The following LRRC4C variants were observed in gnomAD, a reference collection of about 807,000 sequenced individuals.
LRRC4C encodes the protein leucine-rich repeat-containing protein 4C.
A neutral mutation model predicts 33.6 loss-of-function variants in LRRC4C; 5 were observed. That is an observed-to-expected ratio of 0.15 (90% CI 0.08 to 0.31). The LOEUF (loss-of-function observed/expected upper bound fraction) is 0.31. Among genes scored for constraint, LRRC4C ranks in the 10% least tolerant of loss-of-function variants. The pLI is 1.00. For missense variants in LRRC4C, 560 were observed against 796.7 expected, an observed-to-expected ratio of 0.70 and a Z score of 3.58; for synonymous variants, 329 against 302.0, an observed-to-expected ratio of 1.09 and a Z score of -0.93.
chr11:40,354,312 C>T (rs1359831836), intron 3 of LRRC4C, among the ~76,000 whole-genome samples: 2 of 152,130 alleles, frequency 1.3e-5, no homozygotes, highest in Non-Finnish European at 2.9e-5. Flanking sequence ...GGGTTTCACC[C>T]AAAACCTCTG....
intron 1 of LRRC4C, among the ~76,000 whole-genome samples, chr11:41,391,427 A>G (rs1415040834): frequency 6.6e-6 from 1 of 151,942 alleles, no homozygotes; most frequent in Non-Finnish European, 1.5e-5. Flanking sequence ...ACATGAGGAC[A>G]AAAGTTAATA....
At chr11:41,219,965 A>G (rs748573439) in intron 1 of LRRC4C, among the ~76,000 whole-genome samples, 4 of 152,226 alleles carry the variant, frequency 2.6e-5, no homozygotes, top group Admixed American at 6.5e-5. Context: ...AACAGGCATC[A>G]TAGGGACCTA....
At chr11:41,373,901 T>A (rs1157154572) in intron 1 of LRRC4C, among the ~76,000 whole-genome samples, 1 of 152,196 alleles carries the variant, frequency 6.6e-6, no homozygotes, top group Non-Finnish European at 1.5e-5. Context: ...TGCTTTTGAA[T>A]GTTGGATAAT....
chr11:40,971,318 A>G (rs1073755), intron 1 of LRRC4C, among the ~76,000 whole-genome samples: 65,692 of 152,060 alleles, frequency 0.43, 15,622 homozygotes, highest in East Asian at 0.53. Context: ...TGGTCCCTGC[A>G]TTCTAGCCAC....
At chr11:40,199,792 GC>G (rs1360071105) in intron 5 of LRRC4C, among the ~76,000 whole-genome samples, 6 of 152,008 alleles carry the variant, frequency 3.9e-5, no homozygotes, top group Non-Finnish European at 7.4e-5. Context: ...GAAAGCACAG[GC>G]TATTACAGAA....
chr11:41,139,926 A>C (rs1477410004), intron 1 of LRRC4C, among the ~76,000 whole-genome samples: 1 of 152,044 alleles, frequency 6.6e-6, no homozygotes, highest in Non-Finnish European at 1.5e-5. Context: ...CTAAGAAAAC[A>C]CTTTCTGACC....
chr11:40,665,932 C>T (rs1231968348), intron 2 of LRRC4C, among the ~76,000 whole-genome samples: 2 of 151,810 alleles, frequency 1.3e-5, no homozygotes, highest in East Asian at 3.9e-4. Flanking sequence ...TATACAAATA[C>T]ATAAGTGTTA....
chr11:40,812,962 A>C (rs910766358), intron 2 of LRRC4C, among the ~76,000 whole-genome samples: 1 of 152,176 alleles, frequency 6.6e-6, no homozygotes, highest in Non-Finnish European at 1.5e-5. Flanking sequence ...ATACATGATG[A>C]TATACAGTGC....
chr11:41,182,009 A>G (rs1474245736), intron 1 of LRRC4C, among the ~76,000 whole-genome samples: 1 of 152,204 alleles, frequency 6.6e-6, no homozygotes, highest in Non-Finnish European at 1.5e-5. Context: ...TGATTTCAGT[A>G]TAAGTGCATC....
chr11:40,584,551 GA>G lies in LRRC4C; in HGVS notation c.-270+63590del, dbSNP rs1409722661. Among the ~76,000 whole-genome samples the G allele has an allele frequency of 2.0e-5, 3 of 152,028 alleles. No homozygotes were observed. The East Asian group carries it at 5.8e-4, about 29-fold the overall frequency. ...TTTCAAAAACCTTAATCATGGGATG[GA>G]AAAACAATTTGTCATCGGAGAAGAA... On this transcript the variant is annotated intron_variant, in intron 3 of 6. Coordinates refer to ENST00000528697, the MANE Select transcript of LRRC4C (RefSeq NM_001258419.2).
intron 1 of LRRC4C, among the ~76,000 whole-genome samples, chr11:40,966,039 T>G (rs1480192590): frequency 1.3e-5 from 2 of 152,080 alleles, no homozygotes. Context: ...TCCTCTTTTA[T>G]TTAATTGAGC....
intron 1 of LRRC4C, among the ~76,000 whole-genome samples, chr11:41,097,288 G>T (rs570871958): frequency 2.6e-5 from 4 of 152,280 alleles, no homozygotes; most frequent in South Asian, 2.1e-4. Flanking sequence ...GGAGAATTTG[G>T]TTAGGGATTT....
chr11:40,933,116 G>A lies in LRRC4C; in HGVS notation c.-407+519C>T, dbSNP rs547766276. ...GCTAAGTGTAGTGTCTGATGGACCA[G>A]GTTGATAGAGAAAGATAAAGGAAGG... On this transcript the variant is annotated intron_variant, in intron 2 of 6. Coordinates refer to ENST00000528697, the MANE Select transcript of LRRC4C (RefSeq NM_001258419.2). 2.6e-4 allele frequency among the ~76,000 whole-genome samples: 40 copies of A among 152,306 alleles called. 1 individual carries two copies. In the South Asian group the frequency reaches 7.5e-3, roughly 28 times the overall value.
chr11:41,031,978 C>G (rs3101514), intron 1 of LRRC4C, among the ~76,000 whole-genome samples: 147,217 of 152,080 alleles, frequency 0.97, 71,434 homozygotes, highest in East Asian at 1. Context: ...TATGTCTTCA[C>G]AAAATTTCCT....
intron 3 of LRRC4C, among the ~76,000 whole-genome samples, chr11:40,588,397 A>T (rs1958865640): frequency 6.6e-6 from 1 of 151,806 alleles, no homozygotes; most frequent in African/African-American, 2.4e-5. Context: ...CTAGCAGTCT[A>T]TCTATTTTGT....
At chr11:41,373,369 C>T (rs1057170618) in intron 1 of LRRC4C, among the ~76,000 whole-genome samples, 3 of 152,152 alleles carry the variant, frequency 2.0e-5, no homozygotes, top group Non-Finnish European at 2.9e-5. Context: ...TATACGTATA[C>T]ATACTTACAC....
At chr11:40,498,511 G>A (rs919522981) in intron 3 of LRRC4C, among the ~76,000 whole-genome samples, 1 of 152,170 alleles carries the variant, frequency 6.6e-6, no homozygotes, top group Non-Finnish European at 1.5e-5. Flanking sequence ...GAGAAGAAGA[G>A]TATTTAGGTT....
intron 1 of LRRC4C, among the ~76,000 whole-genome samples, chr11:41,408,797 C>G (rs868647550): frequency 3.4e-4 from 49 of 145,126 alleles, no homozygotes; most frequent in African/African-American, 1.3e-3. Flanking sequence ...AATGGCTTGG[C>G]TTTTCATAGA....
intron 1 of LRRC4C, among the ~76,000 whole-genome samples, chr11:40,968,518 T>A (rs1439918952): frequency 6.6e-6 from 1 of 152,162 alleles, no homozygotes; most frequent in Non-Finnish European, 1.5e-5. Context: ...GAGAATTCAA[T>A]GCCTGGCTTT....
Sources: allele counts gnomAD v4.1 joint callset (sites outside exome capture counted in the v4.1 genomes callset), GRCh38; gene constraint gnomAD v4.1.1; transcripts MANE v1.5; gene names NCBI Gene and HGNC (gene_info 2026-07-23, HGNC 2026-07-21).